RNF212: variants seen among roughly 807,000 people sequenced by gnomAD.
RNF212 encodes the protein ring finger protein 212.
A neutral mutation model predicts 34.7 loss-of-function variants in RNF212; 33 were observed. The ratio of observed to expected loss-of-function variants is 0.95; its 90% CI spans 0.72 to 1.27. The LOEUF (loss-of-function observed/expected upper bound fraction) is 1.27. RNF212 is among the 50% of genes most tolerant of loss of function. The pLI is 0.00. For synonymous variants in RNF212, 140 were observed against 136.1 expected (o/e 1.03, Z -0.20); for missense variants, 377 against 362.2 (o/e 1.04, Z -0.33).
chr4:1,084,850 G>A (rs2153045679), intron 5 of RNF212, among the ~76,000 whole-genome samples: 1 of 152,122 alleles, frequency 6.6e-6, no homozygotes, highest in South Asian at 2.1e-4. Context: ...ACAAGCCCAT[G>A]GCAACTCTTA....
At chr4:1,057,854 C>G (rs1309158673) in intron 4 of RNF212, among the ~76,000 whole-genome samples, 1 of 152,184 alleles carries the variant, frequency 6.6e-6, no homozygotes, top group African/African-American at 2.4e-5. Context: ...CACCTGAGGT[C>G]GGGAGTTCGA....
intron 1 of RNF212, among the ~76,000 whole-genome samples, chr4:1,108,779 G>A (rs1725205911): frequency 6.6e-6 from 1 of 152,090 alleles, no homozygotes; most frequent in African/African-American, 2.4e-5. Flanking sequence ...GCTCACTGCA[G>A]CCTTGACACC....
intron 2 of RNF212, among the ~76,000 whole-genome samples, chr4:1,106,414 T>G (rs1724846446): frequency 6.6e-6 from 1 of 152,120 alleles, no homozygotes; most frequent in African/African-American, 2.4e-5. Flanking sequence ...CCATATTCTC[T>G]CATCAGAATG....
chr4:1,103,646 A>G (rs1260338547), intron 2 of RNF212, among the ~76,000 whole-genome samples: 1 of 152,242 alleles, frequency 6.6e-6, no homozygotes, highest in African/African-American at 2.4e-5. Context: ...GAATAATTAA[A>G]TGATAATCTC....
chr4:1,090,645 A>G, intron 4 of RNF212, 137 bp downstream of exon 4: 1 of 661,592 alleles, frequency 1.5e-6, no homozygotes, highest in Non-Finnish European at 2.7e-6. Context: ...CAACGTCCCC[A>G]TAGCTGGAAA....
In RNF212 at chr4:1,096,688, C is replaced by T. The variant is rs1723110874; in HGVS notation, c.246+77G>A. ...ACCTGGCTCATCACAGAACCAAGCA[C>T]ACCCCTCATAGCTCCATGGTCTCGG... On this transcript the variant is annotated intron_variant, in intron 3 of 9. Coordinates refer to ENST00000433731, the MANE Select transcript of RNF212 (RefSeq NM_001131034.4). 18 of 928,506 alleles carry T rather than the reference C, an allele frequency of 1.9e-5. 2 individuals are homozygous for T. The South Asian group carries it at 2.3e-4, about 12-fold the overall frequency. 57.5% of individuals were successfully genotyped at this position (928,506 alleles called of 1,614,324 possible).
At chr4:1,093,366 A>G in intron 3 of RNF212, 1 of 1,152,468 alleles carries the variant, frequency 8.7e-7, no homozygotes, top group Non-Finnish European at 1.1e-6. Context: ...ATGATGTGTT[A>G]ACATATTGTA....
intron 2 of RNF212, among the ~76,000 whole-genome samples, chr4:1,097,781 A>T (rs1485301392): frequency 6.6e-6 from 1 of 152,006 alleles, no homozygotes; most frequent in Non-Finnish European, 1.5e-5. Context: ...TCGCTTGAGC[A>T]GTCCAAAGAA....
chr4:1,089,165 C>T (rs1213158837), intron 4 of RNF212, among the ~76,000 whole-genome samples: 1 of 152,248 alleles, frequency 6.6e-6, no homozygotes, highest in East Asian at 1.9e-4. Context: ...CACTCAACCC[C>T]AGCCCAGAAA....
At chr4:1,063,831 G>C (rs1413086910) in intron 3 of RNF212, among the ~76,000 whole-genome samples, 1 of 150,584 alleles carries the variant, frequency 6.6e-6, no homozygotes, top group Non-Finnish European at 1.5e-5. Context: ...CCATGGTCAA[G>C]ACACTGCACT....
intron 8 of RNF212, among the ~76,000 whole-genome samples, chr4:1,075,456 C>T (rs551172258): frequency 6.6e-6 from 1 of 152,292 alleles, no homozygotes; most frequent in African/African-American, 2.4e-5. Context: ...GCAGGGCGAG[C>T]AGGCAAGAGA....
Position 1,073,016 on chromosome 4 carries a change from T to A in RNF212, c.752A>T (p.Lys251Ile). The A allele has an allele frequency of 6.2e-7, 1 of 1,614,102 alleles. No homozygotes were observed. Among genetic ancestry groups the A allele is most frequent in the Non-Finnish European group, 8.5e-7 (1 of 1,180,010 alleles). The change falls in exon 10 of 10, where the codon AAA (lysine) becomes ATA (isoleucine). Residue 251 changes from lysine (K) to isoleucine (I), a missense_variant. Lys to Ile is a moderately radical substitution (Grantham distance 102, BLOSUM62 -3). Coordinates refer to ENST00000433731, the MANE Select transcript of RNF212 (RefSeq NM_001131034.4). Reference protein sequence around the residue: ...SGRHGELTNSKTLPIYAEVQR... With the variant: ...SGRHGELTNSITLPIYAEVQR... ...TACCTCAGCATATATTGGAAGTGTT[T>A]TAGAGTTGGTGAGTTCCCCGTGCCT...
At chr4:1,103,578 A>G (rs1212528470) in intron 2 of RNF212, among the ~76,000 whole-genome samples, 2 of 152,048 alleles carry the variant, frequency 1.3e-5, no homozygotes, top group Non-Finnish European at 2.9e-5. Flanking sequence ...CCTAGAATCT[A>G]ACGTGGGTTT....
chr4:1,093,637 G>GACAGCACCTGGCCTCT, intron 3 of RNF212: 1 of 1,535,942 alleles, frequency 6.5e-7, no homozygotes, highest in East Asian at 2.4e-5. Flanking sequence ...TCTCTCCTGA[G>GACAGCACCTGGCCTCT]ACAGCACCTG....
At chr4:1,088,455 T>C (rs1292987917) in intron 4 of RNF212, among the ~76,000 whole-genome samples, 1 of 152,180 alleles carries the variant, frequency 6.6e-6, no homozygotes. Context: ...CACAAAGAGA[T>C]GATCTAAAAT....
At chr4:1,110,481 T>A (rs946907994) in intron 1 of RNF212, among the ~76,000 whole-genome samples, 2 of 151,862 alleles carry the variant, frequency 1.3e-5, no homozygotes, top group African/African-American at 4.8e-5. Flanking sequence ...AGGAAAAAAA[T>A]CAAGTAAGAG....
intron 1 of RNF212, among the ~76,000 whole-genome samples, chr4:1,109,670 A>G (rs1218005489): frequency 6.6e-6 from 1 of 152,090 alleles, no homozygotes; most frequent in East Asian, 1.9e-4. Context: ...GGGCCCTCAT[A>G]TCATCTACTC....
At chr4:1,101,331 G>C (rs1288981041) in intron 2 of RNF212, 1 of 254,834 alleles carries the variant, frequency 3.9e-6, no homozygotes, top group Non-Finnish European at 8.1e-6. Flanking sequence ...ATACTGAGCA[G>C]AATTTTTCTC....
rs59400847 is a variant in RNF212, at chr4:1,056,340, C to T, written n.384G>A. On this transcript the variant is annotated non_coding_transcript_exon_variant, in exon 5 of 5. Coordinates refer to the RNF212 transcript ENST00000503206. ...AGTCGCACTGGCTGTCTAACGTACA[C>T]ATGCTGGTGGGCACGAAGGCTGGAG... 267 of 157,064 alleles carry T rather than the reference C, an allele frequency of 1.7e-3. 1 individual carries two copies. The highest frequency in any genetic ancestry group is 2.7e-3 in the Non-Finnish European group (192 of 70,780). The allele number at this position is 157,064 out of a possible 1,614,324, so 9.7% of individuals were successfully genotyped here.
Sources: allele counts gnomAD v4.1 joint callset (sites outside exome capture counted in the v4.1 genomes callset), GRCh38; gene constraint gnomAD v4.1.1; transcripts MANE v1.5; gene names NCBI Gene and HGNC (gene_info 2026-07-23, HGNC 2026-07-21).